Variants in PDLIM5 observed in about 807,000 individuals in gnomAD.
The protein encoded by PDLIM5 is PDZ and LIM domain protein 5.
In PDLIM5, 34 loss-of-function variants were observed where a neutral mutation model predicts 64.2. The ratio of observed to expected loss-of-function variants is 0.53; its 90% CI spans 0.40 to 0.71. The LOEUF (loss-of-function observed/expected upper bound fraction) is 0.71. Among genes scored for constraint, PDLIM5 ranks in the 30% least tolerant of loss-of-function variants. PDLIM5 has a pLI of 0.00. For synonymous variants in PDLIM5, 253 were observed against 269.1 expected (o/e 0.94, Z 0.59); for missense variants, 683 against 733.6 (o/e 0.93, Z 0.80).
chr4:94,603,172 T>G (rs1737633296), intron 7 of PDLIM5, among the ~76,000 whole-genome samples: 1 of 152,164 alleles, frequency 6.6e-6, no homozygotes. Flanking sequence ...GTAGAGAATG[T>G]TAAGCACTTT....
chr4:94,582,687 CT>C, intron 5 of PDLIM5: 22 of 1,534,686 alleles, frequency 1.4e-5, no homozygotes, highest in East Asian at 2.3e-5. Context: ...TCTATCGCAT[CT>C]TTTTTTGTGT....
intron 2 of PDLIM5, among the ~76,000 whole-genome samples, chr4:94,464,499 G>C (rs907513370): frequency 6.6e-6 from 1 of 152,192 alleles, no homozygotes; most frequent in Non-Finnish European, 1.5e-5. Context: ...ACTATGTTCT[G>C]AAAGTATGTT....
rs117909321 is a variant in PDLIM5, at chr4:94,578,567, G to A, written c.710+2533G>A. 3.3e-5 allele frequency among the ~76,000 whole-genome samples: 5 copies of A among 152,180 alleles called. No individual in the cohort carries two copies. The East Asian group carries it at 5.8e-4, about 18-fold the overall frequency. Reference sequence around the variant, plus strand: ...TGAAACTCTGAGACACATTGGTAGCGCCCTTTCATTCACGATATTTAGACT... The same window carrying A: ...TGAAACTCTGAGACACATTGGTAGCACCCTTTCATTCACGATATTTAGACT... On this transcript the variant is annotated intron_variant, in intron 5 of 12. Coordinates refer to ENST00000317968, the MANE Select transcript of PDLIM5 (RefSeq NM_006457.5).
intron 9 of PDLIM5, among the ~76,000 whole-genome samples, chr4:94,640,896 C>T (rs1740955702): frequency 6.6e-6 from 1 of 152,190 alleles, no homozygotes; most frequent in Non-Finnish European, 1.5e-5. Flanking sequence ...TTTTTGAGTA[C>T]ACAAGCACTG....
intron 7 of PDLIM5, 50 bp downstream of exon 7, chr4:94,586,494 T>C (rs150388991): frequency 3.6e-6 from 4 of 1,107,842 alleles, no homozygotes; most frequent in Non-Finnish European, 5.4e-6. Flanking sequence ...TCACGAATGG[T>C]CTCAATTTAG....
chr4:94,593,848 C>T (rs749229115), intron 7 of PDLIM5, among the ~76,000 whole-genome samples: 5 of 152,090 alleles, frequency 3.3e-5, no homozygotes, highest in African/African-American at 7.2e-5. Flanking sequence ...ATTGTTGTCA[C>T]CTCTCTTTTG....
intron 2 of PDLIM5, among the ~76,000 whole-genome samples, chr4:94,499,339 A>G (rs537895683): frequency 4.6e-4 from 70 of 152,210 alleles, no homozygotes; most frequent in Non-Finnish European, 9.0e-4. Context: ...ACTTTCATTT[A>G]TTTATTTATT....
intron 7 of PDLIM5, chr4:94,608,186 C>A: frequency 2.6e-6 from 4 of 1,522,474 alleles, no homozygotes; most frequent in African/African-American, 1.4e-5. Flanking sequence ...TAGGTAGACT[C>A]TTCCTTCTTG....
intron 3 of PDLIM5, among the ~76,000 whole-genome samples, chr4:94,543,469 G>A (rs1417762977): frequency 6.6e-6 from 1 of 151,908 alleles, no homozygotes; most frequent in Non-Finnish European, 1.5e-5. Context: ...TATTCTCTCA[G>A]CAATTATCAA....
intron 3 of PDLIM5, among the ~76,000 whole-genome samples, chr4:94,542,893 A>T (rs1731948987): frequency 6.6e-6 from 1 of 152,204 alleles, no homozygotes; most frequent in South Asian, 2.1e-4. Context: ...TTACTAATTT[A>T]AAAAATATAC....
intron 8 of PDLIM5, among the ~76,000 whole-genome samples, chr4:94,621,488 T>C (rs1429228109): frequency 6.6e-6 from 1 of 152,214 alleles, no homozygotes; most frequent in African/African-American, 2.4e-5. Context: ...GGAGAATGTT[T>C]TGTAAAAAGC....
intron 12 of PDLIM5, among the ~76,000 whole-genome samples, chr4:94,663,364 T>A (rs1742889946): frequency 6.6e-6 from 1 of 152,178 alleles, no homozygotes; most frequent in Non-Finnish European, 1.5e-5. Context: ...TCTTTTCTAA[T>A]AAAGCTGTTC....
chr4:94,646,244 G>C (rs911749483), intron 9 of PDLIM5, among the ~76,000 whole-genome samples: 1 of 152,170 alleles, frequency 6.6e-6, no homozygotes, highest in African/African-American at 2.4e-5. Flanking sequence ...TTTGAAGAGG[G>C]CATTTGGTCT....
chr4:94,544,802 T>A (rs530912257), intron 3 of PDLIM5, among the ~76,000 whole-genome samples: 2 of 152,316 alleles, frequency 1.3e-5, no homozygotes, highest in Non-Finnish European at 2.9e-5. Flanking sequence ...ATTACAGGCA[T>A]GTACCACCAT....
At chr4:94,484,254 T>C (rs1485880290) in intron 2 of PDLIM5, among the ~76,000 whole-genome samples, 1 of 152,194 alleles carries the variant, frequency 6.6e-6, no homozygotes, top group East Asian at 1.9e-4. Context: ...TTTTTGTTGA[T>C]AAATGGAATT....
At chr4:94,494,543 G>A (rs915299431) in intron 2 of PDLIM5, among the ~76,000 whole-genome samples, 11 of 146,778 alleles carry the variant, frequency 7.5e-5, no homozygotes, top group Non-Finnish European at 1.3e-4. Context: ...GAGTTCAAGC[G>A]ATTCTCCTGC....
At position 94,657,672 on chromosome 4, in the gene PDLIM5, A is replaced by C. The variant is rs564040174; in HGVS notation, c.1585+125A>C. On this transcript the variant is annotated intron_variant, in intron 11 of 12. Coordinates refer to ENST00000317968, the MANE Select transcript of PDLIM5 (RefSeq NM_006457.5). ...TTTCTTAATTGTTTTGGAAGCATTTAATGCTGCTCTAAGCATGTAGAAAAA... is the reference window on the plus strand; with the variant it reads ...TTTCTTAATTGTTTTGGAAGCATTTCATGCTGCTCTAAGCATGTAGAAAAA... The C allele has an allele frequency of 1.6e-4, 106 of 680,544 alleles. 2 individuals carry two copies. In the South Asian group the frequency reaches 2.5e-3, roughly 16 times the overall value. 42.2% of individuals were successfully genotyped at this position (680,544 alleles called of 1,614,324 possible).
In PDLIM5 at chr4:94,455,382, A is replaced by G. The variant is rs754608184; in HGVS notation, c.94A>G (p.Ser32Gly). 1.3e-6 allele frequency: 2 copies of G among 1,596,726 alleles called. No individual in the cohort carries two copies. Among genetic ancestry groups the G allele is most frequent in the East Asian group, 2.2e-5 (1 of 44,786 alleles). ...KDFNMPLTIS[S>G]LKDGGKAAQA... The stretch of plus-strand genomic sequence containing the variant: ...TTTCAACATGCCTCTGACAATCTCT[A>G]GTGTAAGTAAACTTTACAAATTTTA... The change falls in exon 2 of 13, where the codon AGT (serine) becomes GGT (glycine). Residue 32 changes from serine to glycine, a missense_variant and splice_region_variant. By Grantham distance (56) the Ser-to-Gly change is moderately conservative. Coordinates refer to ENST00000317968, the MANE Select transcript of PDLIM5 (RefSeq NM_006457.5).
chr4:94,473,829 GGTA>G, intron 2 of PDLIM5, among the ~76,000 whole-genome samples: 1 of 152,098 alleles, frequency 6.6e-6, no homozygotes, highest in Non-Finnish European at 1.5e-5. Flanking sequence ...TTGCATTCTT[GGTA>G]CTGTTGTTTG....
Sources: allele counts gnomAD v4.1 joint callset (sites outside exome capture counted in the v4.1 genomes callset), GRCh38; gene constraint gnomAD v4.1.1; transcripts MANE v1.5; gene names NCBI Gene and HGNC (gene_info 2026-07-23, HGNC 2026-07-21).